EPHA5: variants seen among roughly 807,000 people sequenced by gnomAD.
EPHA5 encodes the protein ephrin type-A receptor 5.
Under a neutral mutation model 105.0 loss-of-function variants are expected in EPHA5, and 60 were observed. The ratio of observed to expected loss-of-function variants is 0.57; its 90% CI spans 0.46 to 0.71. EPHA5 has a LOEUF of 0.71. Ranked by LOEUF, EPHA5 falls within the 30% of genes least tolerant of loss-of-function variation. The pLI is 0.00. For synonymous variants in EPHA5, 513 were observed against 449.1 expected (o/e 1.14, Z -1.80); for missense variants, 1,218 against 1,274.7 (o/e 0.96, Z 0.68).
At chr4:65,342,877 A>T (rs1184454837) in intron 14 of EPHA5, among the ~76,000 whole-genome samples, 2 of 151,726 alleles carry the variant, frequency 1.3e-5, no homozygotes, top group Non-Finnish European at 2.9e-5. Flanking sequence ...GGAGTCAAAT[A>T]GTCTTTCTGC....
chr4:65,534,731 T>C (rs1193449935), intron 3 of EPHA5, among the ~76,000 whole-genome samples: 1 of 152,218 alleles, frequency 6.6e-6, no homozygotes, highest in Non-Finnish European at 1.5e-5. Flanking sequence ...TGGATCTCAT[T>C]ATGTTTCTAT....
intron 3 of EPHA5, among the ~76,000 whole-genome samples, chr4:65,557,795 T>C (rs1429431618): frequency 6.6e-6 from 1 of 151,996 alleles, no homozygotes; most frequent in East Asian, 1.9e-4. Context: ...GTAATGTGAG[T>C]TCAAAAACGA....
chr4:65,387,991 C>T (rs1456738695), intron 8 of EPHA5, among the ~76,000 whole-genome samples: 3 of 100,162 alleles, frequency 3.0e-5, no homozygotes, highest in South Asian at 4.5e-4. Flanking sequence ...CAACAGTTCC[C>T]AGAGTGTGAT....
intron 5 of EPHA5, among the ~76,000 whole-genome samples, chr4:65,446,908 C>A (rs919036359): frequency 6.6e-6 from 1 of 151,422 alleles, no homozygotes; most frequent in Admixed American, 6.6e-5. Context: ...TATTCTAAGA[C>A]CAACTGGTTA....
At chr4:65,577,250 C>A (rs984628811) in intron 3 of EPHA5, among the ~76,000 whole-genome samples, 1 of 151,972 alleles carries the variant, frequency 6.6e-6, no homozygotes, top group Admixed American at 6.6e-5. Flanking sequence ...TATTGTATGT[C>A]AAAATTTGTA....
chr4:65,468,997 G>A (rs80001500), intron 5 of EPHA5, among the ~76,000 whole-genome samples: 2,631 of 152,058 alleles, frequency 0.017, 79 homozygotes, highest in African/African-American at 0.059. Context: ...GATAGGTTTT[G>A]TGGTAAGCAC....
At chr4:65,332,932 C>G (rs10866157) in intron 15 of EPHA5, among the ~76,000 whole-genome samples, 42,841 of 151,664 alleles carry the variant, frequency 0.28, 7,229 homozygotes, top group South Asian at 0.44. Flanking sequence ...TTATTTTACA[C>G]TTTTACATAG....
intron 3 of EPHA5, among the ~76,000 whole-genome samples, chr4:65,598,388 T>C (rs1743386060): frequency 6.6e-6 from 1 of 152,158 alleles, no homozygotes; most frequent in South Asian, 2.1e-4. Context: ...AATGTGATAT[T>C]TAACATAGAA....
intron 3 of EPHA5, among the ~76,000 whole-genome samples, chr4:65,508,942 A>G (rs551561746): frequency 7.9e-5 from 12 of 152,276 alleles, no homozygotes; most frequent in Non-Finnish European, 1.8e-4. Context: ...GCTTTAAACT[A>G]CTTTTCTTCA....
chr4:65,421,211 A>G (rs541058104), intron 5 of EPHA5, among the ~76,000 whole-genome samples: 1 of 152,222 alleles, frequency 6.6e-6, no homozygotes, highest in Non-Finnish European at 1.5e-5. Flanking sequence ...CCACTTGTCT[A>G]ATGAAAATAG....
intron 11 of EPHA5, among the ~76,000 whole-genome samples, chr4:65,364,568 A>G (rs140138703): frequency 1.1e-3 from 166 of 151,718 alleles, no homozygotes; most frequent in Non-Finnish European, 2.0e-3. Context: ...AACTATTAAC[A>G]TATCTTTAAA....
Position 65,578,322 on chromosome 4 carries a change from A to G in EPHA5, c.910+23319T>C, listed in dbSNP as rs367943203. Among the ~76,000 whole-genome samples, 20 of 152,266 alleles carry G rather than the reference A, an allele frequency of 1.3e-4. 2 individuals carry two copies. Among genetic ancestry groups the G allele is most frequent in the Admixed American group, 9.2e-4 (14 of 15,284 alleles). On this transcript the variant is annotated intron_variant, in intron 3 of 16. Coordinates refer to ENST00000613740, the MANE Select transcript of EPHA5 (RefSeq NM_001281766.3). The stretch of plus-strand genomic sequence containing the variant: ...CTTCTTCCTATAGTTTTATGCTAAA[A>G]AAAATGATGGTTATGGGTTTTCCAT...
Position 65,336,469 on chromosome 4 carries a change from T to C in EPHA5, c.2596-344A>G, listed in dbSNP as rs561324288. 7.9e-5 allele frequency among the ~76,000 whole-genome samples: 12 copies of C among 152,076 alleles called. 1 individual carries two copies. Among genetic ancestry groups the C allele is most frequent in the Admixed American group, 6.6e-4 (10 of 15,242 alleles). ...TTTATCCTTGCACTCCAGAATCAAA[T>C]AGAGATTAAATTTTCTAGTGATTTT... On this transcript the variant is annotated intron_variant, in intron 14 of 16. Coordinates refer to ENST00000613740, the MANE Select transcript of EPHA5 (RefSeq NM_001281766.3).
chr4:65,596,681 A>AAC lies in EPHA5; in HGVS notation c.910+4958_910+4959dup, dbSNP rs71205392. ...CCTTGGTTGTGCCTCACAAAAGCAG[A>AAC]ACACACACACACACACACACACACA... On this transcript the variant is annotated intron_variant, in intron 3 of 16. Coordinates refer to ENST00000613740, the MANE Select transcript of EPHA5 (RefSeq NM_001281766.3). Among the ~76,000 whole-genome samples, 1,365 of 150,554 alleles carry AAC rather than the reference A, an allele frequency of 9.1e-3. 21 individuals carry two copies. The highest frequency in any genetic ancestry group is 0.029 in the African/African-American group (1,188 of 41,030).
At chr4:65,406,178 A>T (rs138821347) in intron 7 of EPHA5, among the ~76,000 whole-genome samples, 1 of 152,154 alleles carries the variant, frequency 6.6e-6, no homozygotes, top group Non-Finnish European at 1.5e-5. Flanking sequence ...TTACAAGCCT[A>T]AGCAGATATC....
chr4:65,402,611 T>C (rs1406829721), intron 8 of EPHA5, among the ~76,000 whole-genome samples: 2 of 152,148 alleles, frequency 1.3e-5, no homozygotes, highest in Non-Finnish European at 2.9e-5. Context: ...TCATTTCTCC[T>C]AAGTGCACAC....
intron 5 of EPHA5, among the ~76,000 whole-genome samples, chr4:65,435,551 C>G (rs1725396352): frequency 6.6e-6 from 1 of 151,978 alleles, no homozygotes; most frequent in African/African-American, 2.4e-5. Context: ...GAAATACTCC[C>G]AGATAAATTA....
intron 2 of EPHA5, among the ~76,000 whole-genome samples, chr4:65,621,848 C>T (rs540024650): frequency 1.3e-5 from 2 of 152,122 alleles, no homozygotes; most frequent in African/African-American, 2.4e-5. Context: ...TGCATCCCTA[C>T]GTATGTCTGT....
chr4:65,354,091 T>A (rs1362747738), intron 11 of EPHA5, among the ~76,000 whole-genome samples: 1 of 151,750 alleles, frequency 6.6e-6, no homozygotes, highest in East Asian at 1.9e-4. Flanking sequence ...TTCTCATATG[T>A]AAAATGAGGA....
Sources: gnomAD v4.1 joint callset for allele counts (sites outside exome capture counted in the v4.1 genomes callset) on GRCh38, gnomAD v4.1.1 for gene constraint, MANE v1.5 for transcripts, NCBI Gene and HGNC (gene_info 2026-07-23, HGNC 2026-07-21) for gene names.